LONP2: variants seen among roughly 807,000 people sequenced by gnomAD.
LONP2 encodes lon protease homolog 2, peroxisomal.
LONP2 carries 60 observed loss-of-function variants against 85.6 expected under a neutral mutation model. That is an observed-to-expected ratio of 0.70 (90% confidence interval 0.57 to 0.87). The LOEUF is 0.87. Ranked by LOEUF, LONP2 falls within the 40% of genes least tolerant of loss-of-function variation. LONP2 has a pLI of 0.00. For missense variants in LONP2, 860 were observed against 1,063.5 expected, an observed-to-expected ratio of 0.81 and a Z score of 2.66; for synonymous variants, 395 against 389.7, an observed-to-expected ratio of 1.01 and a Z score of -0.16.
At chr16:48,257,916 C>G (rs570465615) in intron 3 of LONP2, among the ~76,000 whole-genome samples, 2 of 152,312 alleles carry the variant, frequency 1.3e-5, no homozygotes, top group African/African-American at 2.4e-5. Context: ...TGCTTCTGTT[C>G]TCTTGTGTAT....
At chr16:48,290,949 A>T (rs1203521726) in intron 8 of LONP2, among the ~76,000 whole-genome samples, 4 of 152,200 alleles carry the variant, frequency 2.6e-5, no homozygotes, top group African/African-American at 9.7e-5. Flanking sequence ...ACTGCCAGCC[A>T]CCAGTCAATC....
At chr16:48,266,292 A>G (rs923716920) in intron 6 of LONP2, among the ~76,000 whole-genome samples, 5 of 150,952 alleles carry the variant, frequency 3.3e-5, no homozygotes, top group Admixed American at 2.6e-4. Flanking sequence ...AACGTGAGCC[A>G]CTGCGTCTGG....
downstream of LONP2, among the ~76,000 whole-genome samples, chr16:48,358,812 A>G (rs1167622665): frequency 6.6e-6 from 1 of 152,184 alleles, no homozygotes; most frequent in Non-Finnish European, 1.5e-5. Flanking sequence ...GAGGATGAGC[A>G]TATGTACATA....
intron 6 of LONP2, among the ~76,000 whole-genome samples, chr16:48,266,465 C>A (rs1231423106): frequency 2.0e-5 from 3 of 151,616 alleles, no homozygotes; most frequent in Non-Finnish European, 4.4e-5. Context: ...ATGAGCATAA[C>A]CCTCACCTCC....
At chr16:48,283,627 G>A (rs921593434) in intron 8 of LONP2, among the ~76,000 whole-genome samples, 1 of 152,054 alleles carries the variant, frequency 6.6e-6, no homozygotes, top group Non-Finnish European at 1.5e-5. Context: ...GAAACTTACC[G>A]TTCAAAAAAA....
intron 1 of LONP2, chr16:48,247,636 T>C (rs544009048): frequency 6.6e-6 from 1 of 152,352 alleles, no homozygotes; most frequent in East Asian, 1.9e-4. Flanking sequence ...GCACCCTGCA[T>C]TTTTCTGCTT....
chr16:48,244,639 C>T lies in LONP2; in HGVS notation c.233+18C>T. On this transcript the variant is annotated intron_variant, in intron 1 of 14. Transcript: ENST00000285737. ...CTGCACAGGTAGGCCTGGCTGCCCC[C>T]GCGGCGGCGGCGGGCGGCGCGGCCT... 7.5e-7 allele frequency: 1 copy of T among 1,340,296 alleles called. No individual in the cohort carries two copies. Among genetic ancestry groups the T allele is most frequent in the Non-Finnish European group, 9.5e-7 (1 of 1,049,050 alleles). 83.0% of individuals were successfully genotyped at this position (1,340,296 alleles called of 1,614,324 possible).
At chr16:48,274,164 C>T (rs1352651613) in intron 7 of LONP2, among the ~76,000 whole-genome samples, 1 of 152,142 alleles carries the variant, frequency 6.6e-6, no homozygotes, top group Non-Finnish European at 1.5e-5. Flanking sequence ...CAACCCAAGG[C>T]TTCCTCCATT....
intron 2 of LONP2, among the ~76,000 whole-genome samples, chr16:48,255,213 G>A (rs1567309010): frequency 6.6e-6 from 1 of 152,142 alleles, no homozygotes. Flanking sequence ...ACTAGTGGGG[G>A]TTGTGTCTGC....
chr16:48,300,648 T>G lies in LONP2; in HGVS notation c.1661+860T>G, dbSNP rs560045999. Among the ~76,000 whole-genome samples, 18 of 152,310 alleles carry G rather than the reference T, an allele frequency of 1.2e-4. No homozygotes were observed. The South Asian group carries it at 3.3e-3, about 28-fold the overall frequency. The stretch of plus-strand genomic sequence containing the variant: ...GCCAGACTGTCTTTTGATCTATGCC[T>G]TCTTATGGATCTATTTAGATTTATA... On this transcript the variant is annotated intron_variant, in intron 10 of 14. Coordinates refer to ENST00000285737, the MANE Select transcript of LONP2 (RefSeq NM_031490.5).
rs772323695 is a variant in LONP2, at chr16:48,262,764, T to G, written c.888-14T>G. The G allele has an allele frequency of 6.5e-7, 1 of 1,547,090 alleles. No homozygotes were observed. Among genetic ancestry groups the G allele is most frequent in the South Asian group, 1.1e-5 (1 of 87,140 alleles). The stretch of plus-strand genomic sequence containing the variant: ...TGTTCTTGAACATGTTTGCTGTGTA[T>G]TCTTTCTCCACAGACTCAAAAAAAT... On this transcript the variant is annotated splice_polypyrimidine_tract_variant and intron_variant, in intron 5 of 14. Coordinates refer to ENST00000285737, the MANE Select transcript of LONP2 (RefSeq NM_031490.5).
downstream of LONP2, among the ~76,000 whole-genome samples, chr16:48,359,705 A>G (rs1406573982): frequency 1.3e-5 from 2 of 152,068 alleles, no homozygotes; most frequent in East Asian, 1.9e-4. Context: ...GACAAGAGTA[A>G]AACTCCGTCT....
downstream of LONP2, among the ~76,000 whole-genome samples, chr16:48,358,557 C>T (rs1960460177): frequency 1.3e-5 from 2 of 152,196 alleles, no homozygotes; most frequent in Non-Finnish European, 2.9e-5. Context: ...GCCAGCTGCT[C>T]ATGCCTGTAA....
rs536225986 is a variant in LONP2 at position 48,276,660 on chromosome 16, T to C, written c.1242-678T>C. Among the ~76,000 whole-genome samples, 4 of 152,296 alleles carry C rather than the reference T, an allele frequency of 2.6e-5. No homozygotes were observed. The South Asian group carries it at 8.3e-4, about 32-fold the overall frequency. ...TCTCACATTTTAACGTTCAACAAAA[T>C]ACCTGGCTGGCTGAACGTGGTTATT... On this transcript the variant is annotated intron_variant, in intron 7 of 14. Coordinates refer to ENST00000285737, the MANE Select transcript of LONP2 (RefSeq NM_031490.5).
chr16:48,336,281 T>C, intron 12 of LONP2: 1 of 447,738 alleles, frequency 2.2e-6, no homozygotes. Flanking sequence ...CAGTTATCCT[T>C]GTTAGCATGG....
chr16:48,276,226 T>C (rs1222343108), intron 7 of LONP2, among the ~76,000 whole-genome samples: 1 of 152,236 alleles, frequency 6.6e-6, no homozygotes, highest in Non-Finnish European at 1.5e-5. Flanking sequence ...CTTAGTCACC[T>C]TTCCCGGATG....
chr16:48,270,173 TA>T lies in LONP2; in HGVS notation c.1144del (p.Thr382GlnfsTer11). The T allele has an allele frequency of 6.2e-7, 1 of 1,614,026 alleles. No individual in the cohort carries two copies. The highest frequency in any genetic ancestry group is 8.5e-7 in the Non-Finnish European group (1 of 1,179,974). ...GCTTTGTTGGCCCTCCTGGAGTTGG[TA>T]AAACAAGTGTGGGAAGATCAGTGGC... is the stretch of plus-strand genomic sequence containing the variant. ...LCFVGPPGVG[K>X]TSVGRSVAKT... On this transcript the variant is annotated frameshift_variant, in exon 7 of 15. Coordinates refer to ENST00000285737, the MANE Select transcript of LONP2 (RefSeq NM_031490.5). LOFTEE classifies it high-confidence loss of function.
chr16:48,281,414 C>T (rs1296391838), intron 8 of LONP2, among the ~76,000 whole-genome samples: 1 of 152,086 alleles, frequency 6.6e-6, no homozygotes, highest in African/African-American at 2.4e-5. Flanking sequence ...GGTCCAACTA[C>T]TTAATTAATA....
chr16:48,263,915 C>G (rs1251089701), intron 6 of LONP2, among the ~76,000 whole-genome samples: 3 of 152,108 alleles, frequency 2.0e-5, no homozygotes, highest in African/African-American at 7.2e-5. Context: ...AGCTGGGTGT[C>G]TGGGGGAGAC....
Sources: gnomAD v4.1 joint callset for allele counts (sites outside exome capture counted in the v4.1 genomes callset) on GRCh38, gnomAD v4.1.1 for gene constraint, MANE v1.5 for transcripts, NCBI Gene and HGNC (gene_info 2026-07-23, HGNC 2026-07-21) for gene names.